Variants in SCMH1 observed in about 807,000 individuals in gnomAD.
SCMH1 encodes polycomb protein SCMH1.
SCMH1 carries 37 observed loss-of-function variants against 70.8 expected under a neutral mutation model. That is an observed-to-expected ratio of 0.52 (90% CI 0.40 to 0.69). The LOEUF (loss-of-function observed/expected upper bound fraction) is 0.69. SCMH1 is among the 30% of genes least tolerant of loss of function. SCMH1 has a pLI of 0.00. For missense variants in SCMH1, 607 were observed against 827.3 expected (o/e 0.73, Z 3.27); for synonymous variants, 292 against 307.4 (o/e 0.95, Z 0.52).
intron 6 of SCMH1, among the ~76,000 whole-genome samples, chr1:41,133,541 A>T (rs568111723): frequency 1.3e-5 from 2 of 152,288 alleles, no homozygotes; most frequent in East Asian, 3.9e-4. Flanking sequence ...GACTGCTAGC[A>T]AGACTAATAA....
chr1:41,082,654 G>A (rs141187908), intron 8 of SCMH1, among the ~76,000 whole-genome samples: 16 of 152,016 alleles, frequency 1.1e-4, no homozygotes, highest in Non-Finnish European at 1.6e-4. Context: ...TACCAAAGCC[G>A]GGCAGAGACA....
intron 1 of SCMH1, among the ~76,000 whole-genome samples, chr1:41,216,065 T>A (rs1268389477): frequency 1.3e-5 from 2 of 152,196 alleles, no homozygotes; most frequent in African/African-American, 2.4e-5. Flanking sequence ...AGAAGGTTCA[T>A]TACTTTCATA....
chr1:41,082,863 T>G (rs556167574), intron 8 of SCMH1, among the ~76,000 whole-genome samples: 1 of 152,074 alleles, frequency 6.6e-6, no homozygotes, highest in Non-Finnish European at 1.5e-5. Context: ...AACAGAACCA[T>G]CGACAAAAAC....
At chr1:41,162,240 T>C (rs1308612889) in intron 2 of SCMH1, among the ~76,000 whole-genome samples, 1 of 152,118 alleles carries the variant, frequency 6.6e-6, no homozygotes, top group Non-Finnish European at 1.5e-5. Flanking sequence ...TCCCCCTGCC[T>C]GGCTTCTCCC....
chr1:41,231,870 A>T (rs56385409), intron 1 of SCMH1, among the ~76,000 whole-genome samples: 1,954 of 152,036 alleles, frequency 0.013, 41 homozygotes, highest in African/African-American at 0.045. Context: ...AAAATACAAA[A>T]AATTAGCCGG....
At chr1:41,075,346 C>T in exon 9 of SCMH1, 1 of 1,614,074 alleles carries the variant, frequency 6.2e-7, no homozygotes, top group Non-Finnish European at 8.5e-7. Flanking sequence ...TGGTTTACGC[C>T]CCCTCTGCCC....
intron 7 of SCMH1, among the ~76,000 whole-genome samples, chr1:41,116,504 G>T (rs1670495469): frequency 6.6e-6 from 1 of 151,970 alleles, no homozygotes; most frequent in South Asian, 2.1e-4. Flanking sequence ...GTTAGCTGTG[G>T]GTATTACATG....
chr1:41,172,365 T>C (rs190891514), intron 2 of SCMH1, among the ~76,000 whole-genome samples: 60 of 151,220 alleles, frequency 4.0e-4, no homozygotes, highest in Non-Finnish European at 7.1e-4. Context: ...AACCTACAAA[T>C]AAATTTATCC....
At chr1:41,184,521 T>C (rs188595304) in intron 2 of SCMH1, among the ~76,000 whole-genome samples, 3 of 152,154 alleles carry the variant, frequency 2.0e-5, no homozygotes, top group African/African-American at 4.8e-5. Flanking sequence ...ACTGGAGATA[T>C]ATCACTAAAC....
chr1:41,098,605 A>G (rs913212109), intron 8 of SCMH1: 2 of 152,544 alleles, frequency 1.3e-5, no homozygotes, highest in East Asian at 1.9e-4. Flanking sequence ...ATGGTTCTGA[A>G]AAAATATACA....
At chr1:41,141,004 AT>A (rs1644018319) in intron 6 of SCMH1, among the ~76,000 whole-genome samples, 1 of 152,218 alleles carries the variant, frequency 6.6e-6, no homozygotes, top group African/African-American at 2.4e-5. Context: ...CTCCTTAAAT[AT>A]TTTTGGAGGA....
intron 10 of SCMH1, among the ~76,000 whole-genome samples, chr1:41,066,009 C>T (rs1654473382): frequency 6.6e-6 from 1 of 152,190 alleles, no homozygotes. Flanking sequence ...CAGCCTACGC[C>T]TCACTTGTGA....
chr1:41,108,130 A>ACT (rs911872289), intron 8 of SCMH1, among the ~76,000 whole-genome samples: 27 of 152,190 alleles, frequency 1.8e-4, no homozygotes, highest in Admixed American at 5.2e-4. Flanking sequence ...TTGACCATGT[A>ACT]CTCTAACAGG....
At chr1:41,188,331 T>C (rs1650807564) in intron 1 of SCMH1, among the ~76,000 whole-genome samples, 2 of 152,210 alleles carry the variant, frequency 1.3e-5, no homozygotes, top group Non-Finnish European at 2.9e-5. Context: ...GGTTTCACCA[T>C]GTTGGCCAGG....
At chr1:41,123,112 G>A (rs1341298643) in intron 6 of SCMH1, among the ~76,000 whole-genome samples, 1 of 152,110 alleles carries the variant, frequency 6.6e-6, no homozygotes, top group Non-Finnish European at 1.5e-5. Context: ...TCCCAGCTAC[G>A]TGGAAGGCTC....
chr1:41,187,615 T>G (rs1210364848), intron 1 of SCMH1, among the ~76,000 whole-genome samples: 1 of 151,882 alleles, frequency 6.6e-6, no homozygotes, highest in Non-Finnish European at 1.5e-5. Flanking sequence ...GCTTTGAAAG[T>G]GCTTAATGGC....
intron 8 of SCMH1, among the ~76,000 whole-genome samples, chr1:41,104,960 T>A (rs1469284318): frequency 2.6e-5 from 2 of 75,684 alleles, no homozygotes; most frequent in Admixed American, 4.3e-4. Context: ...TTAAACAGCC[T>A]TTTTTTTTTT....
At chr1:41,071,929 G>A (rs1656678509) in intron 9 of SCMH1, among the ~76,000 whole-genome samples, 2 of 152,232 alleles carry the variant, frequency 1.3e-5, no homozygotes, top group African/African-American at 4.8e-5. Context: ...CTCCCAAAGT[G>A]TTGGGATTAT....
At chr1:41,187,233 C>T (rs1650458561) in intron 1 of SCMH1, among the ~76,000 whole-genome samples, 2 of 151,994 alleles carry the variant, frequency 1.3e-5, no homozygotes, top group East Asian at 3.9e-4. Flanking sequence ...AAGGCTGAGG[C>T]TGACGGATGC....
Sources: allele counts gnomAD v4.1 joint callset (sites outside exome capture counted in the v4.1 genomes callset), GRCh38; gene constraint gnomAD v4.1.1; transcripts MANE v1.5; gene names NCBI Gene and HGNC (gene_info 2026-07-23, HGNC 2026-07-21).